Variants in TNKS observed in about 807,000 individuals in gnomAD.
TNKS encodes the protein poly [ADP-ribose] polymerase tankyrase-1.
A neutral mutation model predicts 135.8 loss-of-function variants in TNKS; 72 were observed. That is an observed-to-expected ratio of 0.53 (90% CI 0.44 to 0.64). The LOEUF is 0.64. Ranked by LOEUF, TNKS falls within the 30% of genes least tolerant of loss-of-function variation. The pLI, the probability that TNKS is intolerant of heterozygous loss-of-function variation, is 0.00. For synonymous variants in TNKS, 849 were observed against 649.3 expected, an observed-to-expected ratio of 1.31 and a Z score of -4.68; for missense variants, 1,769 against 1,674.0, an observed-to-expected ratio of 1.06 and a Z score of -0.99.
At chr8:9,649,567 C>G (rs1215779521) in intron 3 of TNKS, among the ~76,000 whole-genome samples, 1 of 152,006 alleles carries the variant, frequency 6.6e-6, no homozygotes, top group Non-Finnish European at 1.5e-5. Flanking sequence ...TTTCGTGCAC[C>G]TGTTACCCGA....
At chr8:9,728,751 C>T (rs1805277024) in intron 13 of TNKS, among the ~76,000 whole-genome samples, 1 of 151,936 alleles carries the variant, frequency 6.6e-6, no homozygotes, top group South Asian at 2.1e-4. Context: ...GATATTTGAC[C>T]TGGTCACATT....
chr8:9,714,951 G>A (rs1804532079), intron 11 of TNKS, among the ~76,000 whole-genome samples: 1 of 152,168 alleles, frequency 6.6e-6, no homozygotes, highest in South Asian at 2.1e-4. Context: ...CTACATTTTA[G>A]GAGCAAGTAC....
At chr8:9,753,012 C>T (rs1328712977) in intron 20 of TNKS, among the ~76,000 whole-genome samples, 1 of 151,768 alleles carries the variant, frequency 6.6e-6, no homozygotes, top group African/African-American at 2.4e-5. Flanking sequence ...CCCACCTCTT[C>T]CTCTTTTGCT....
At chr8:9,766,585 A>G (rs1449530681) in intron 25 of TNKS, among the ~76,000 whole-genome samples, 160 bp downstream of exon 25, 2 of 149,914 alleles carry the variant, frequency 1.3e-5, no homozygotes, top group Non-Finnish European at 2.9e-5. Flanking sequence ...TCCTGGGTTC[A>G]AGCAATTCTC....
chr8:9,574,274 C>G (rs887033850), intron 1 of TNKS, among the ~76,000 whole-genome samples: 5 of 152,178 alleles, frequency 3.3e-5, no homozygotes, highest in African/African-American at 1.2e-4. Flanking sequence ...TCGGGGTACA[C>G]TTCTTGTTGC....
At chr8:9,685,698 A>G (rs1802962411) in intron 5 of TNKS, among the ~76,000 whole-genome samples, 1 of 152,240 alleles carries the variant, frequency 6.6e-6, no homozygotes, top group South Asian at 2.1e-4. Flanking sequence ...TGTCACATTT[A>G]ATAAATAAAT....
At chr8:9,707,093 C>G (rs780585230) in intron 8 of TNKS, 96 bp downstream of exon 8, 8 of 1,025,106 alleles carry the variant, frequency 7.8e-6, no homozygotes, top group Non-Finnish European at 1.1e-5. Flanking sequence ...TCCATTCTTA[C>G]AAGCAGACTA....
intron 1 of TNKS, among the ~76,000 whole-genome samples, chr8:9,567,220 T>C (rs1205277632): frequency 6.6e-6 from 1 of 152,182 alleles, no homozygotes; most frequent in East Asian, 1.9e-4. Flanking sequence ...CTCCAGTCCT[T>C]CTCTTAGGCA....
At position 9,580,372 on chromosome 8, in the gene TNKS, A is replaced by C; in HGVS notation, c.887A>C (p.Asp296Ala). The C allele has an allele frequency of 6.2e-7, 1 of 1,613,872 alleles. No individual in the cohort carries two copies. The highest frequency in any genetic ancestry group is 1.1e-5 in the South Asian group (1 of 91,076). ...GAAGCTGCTATTAAAGGGAAGATCG[A>C]TGTGTGCATTGGTAAGTATCATTTG... ...LHEAAIKGKIDVCIVLLQHGA... is the reference protein window; with the variant it reads ...LHEAAIKGKIAVCIVLLQHGA... The change falls in exon 2 of 27, where the codon GAT becomes GCT. Residue 296 changes from aspartate to alanine, a missense_variant. Asp to Ala is a moderately radical substitution (Grantham distance 126). Transcript: ENST00000310430.
chr8:9,726,817 T>A, intron 13 of TNKS, 97 bp downstream of exon 13: 1 of 974,704 alleles, frequency 1.0e-6, no homozygotes. Flanking sequence ...ATACAAACAG[T>A]AAAAAGGATG....
intron 1 of TNKS, among the ~76,000 whole-genome samples, chr8:9,564,197 T>G (rs959835670): frequency 1.3e-5 from 2 of 152,186 alleles, no homozygotes; most frequent in African/African-American, 4.8e-5. Flanking sequence ...GTCTTTTTGG[T>G]AAGTGTAGTC....
chr8:9,688,426 T>C (rs556543575), intron 5 of TNKS, among the ~76,000 whole-genome samples: 36 of 152,348 alleles, frequency 2.4e-4, no homozygotes, highest in African/African-American at 8.4e-4. Flanking sequence ...ATTAAAACAA[T>C]TGTTTGGCCA....
chr8:9,708,288 T>C (rs868278108), intron 8 of TNKS, 83 bp from the exon 9 acceptor site: 3 of 1,169,294 alleles, frequency 2.6e-6, no homozygotes, highest in East Asian at 5.5e-5. Flanking sequence ...AAAATAATAA[T>C]ATTCCTACTT....
intron 20 of TNKS, among the ~76,000 whole-genome samples, chr8:9,760,870 CTG>C (rs1291336878): frequency 6.6e-6 from 1 of 152,168 alleles, no homozygotes; most frequent in Non-Finnish European, 1.5e-5. Flanking sequence ...GGGATTAAGT[CTG>C]AGAATTTATG....
chr8:9,720,681 C>T (rs1246124859), intron 12 of TNKS, 136 bp downstream of exon 12: 4 of 978,012 alleles, frequency 4.1e-6, no homozygotes, highest in Non-Finnish European at 2.9e-6. Context: ...CTGTGGACTT[C>T]CCCATCTCCC....
chr8:9,673,405 G>A (rs1217720370), intron 3 of TNKS, among the ~76,000 whole-genome samples: 2 of 150,572 alleles, frequency 1.3e-5, no homozygotes, highest in African/African-American at 4.9e-5. Flanking sequence ...TTTAATATAG[G>A]ATAATAGAGT....
chr8:9,697,831 T>C (rs1282849990), intron 5 of TNKS, among the ~76,000 whole-genome samples: 4 of 152,122 alleles, frequency 2.6e-5, no homozygotes, highest in South Asian at 2.1e-4. Flanking sequence ...TTATACACTG[T>C]GGAATGCAGT....
intron 1 of TNKS, among the ~76,000 whole-genome samples, chr8:9,564,935 A>G (rs1434931049): frequency 6.6e-6 from 1 of 152,182 alleles, no homozygotes; most frequent in Non-Finnish European, 1.5e-5. Flanking sequence ...TATATCTTCA[A>G]GAAAAAATGA....
intron 11 of TNKS, among the ~76,000 whole-genome samples, chr8:9,718,840 AATCACT>A (rs1183872613): frequency 6.6e-6 from 1 of 152,214 alleles, no homozygotes; most frequent in African/African-American, 2.4e-5. Flanking sequence ...TGGTGAAAAT[AATCACT>A]TTAGTGCTGA....
Sources: allele counts gnomAD v4.1 joint callset (sites outside exome capture counted in the v4.1 genomes callset), GRCh38; gene constraint gnomAD v4.1.1; transcripts MANE v1.5; gene names NCBI Gene and HGNC (gene_info 2026-07-23, HGNC 2026-07-21).